Variants in OLFM2 observed in about 807,000 individuals in gnomAD.
The protein encoded by OLFM2 is olfactomedin 2, also known as noelin-2.
Under a neutral mutation model 43.9 loss-of-function variants are expected in OLFM2, and 20 were observed. The ratio of observed to expected loss-of-function variants is 0.46; its 90% confidence interval spans 0.32 to 0.66. The LOEUF is 0.66. Ranked by LOEUF, OLFM2 falls within the 30% of genes least tolerant of loss-of-function variation. The pLI, the probability that OLFM2 is intolerant of heterozygous loss-of-function variation, is 0.04. For missense variants in OLFM2, 416 were observed against 643.6 expected (o/e 0.65, Z 3.83); for synonymous variants, 268 against 278.6 (o/e 0.96, Z 0.38).
chr19:9,866,215 T>C (rs575293029), intron 1 of OLFM2, among the ~76,000 whole-genome samples: 2 of 152,294 alleles, frequency 1.3e-5, no homozygotes, highest in South Asian at 2.1e-4. Context: ...GTTTTGCCCA[T>C]TGGGTTTAAG....
intron 2 of OLFM2, chr19:9,858,189 C>A (rs2046338067): frequency 4.9e-6 from 2 of 410,970 alleles, no homozygotes; most frequent in Admixed American, 3.6e-5. Flanking sequence ...GATTAGATCA[C>A]CTTCCTCCTC....
In OLFM2 at chr19:9,854,418, C is replaced by T; in HGVS notation, c.1133G>A (p.Gly378Asp). 1 of 1,614,212 alleles carries T rather than the reference C, an allele frequency of 6.2e-7. No individual in the cohort carries two copies. Among genetic ancestry groups the T allele is most frequent in the Non-Finnish European group, 8.5e-7 (1 of 1,180,046 alleles). Residue 378 changes from glycine to aspartate, a missense_variant, in exon 6 of 6, where the codon GGT becomes GAT. Gly to Asp is a moderately conservative substitution (Grantham distance 94). Transcript: ENST00000264833. The surrounding 1 kb of genome is among the most constrained non-coding windows in gnomAD (Gnocchi z 9.5). ...GTGGGAGTTGGTCACGTAGAGCACA[C>T]CGCAGATCATGAAGGCCTCGCCAGC... ...RSAGEAFMIC[G>D]VLYVTNSHLA...
At position 9,867,396 on chromosome 19, in the gene OLFM2, A is replaced by C. The variant is rs147513279; in HGVS notation, c.64-6602T>G. On this transcript the variant is annotated intron_variant, in intron 1 of 5. Transcript: ENST00000264833. Reference sequence around the variant, plus strand: ...AAAAAAACAACAATAACAACAACAAAAAAAAACAATTCCTGGTGTTTCCCT... The same window carrying C: ...AAAAAAACAACAATAACAACAACAACAAAAAACAATTCCTGGTGTTTCCCT... Among the ~76,000 whole-genome samples the C allele has an allele frequency of 6.9e-3, 1,048 of 152,180 alleles. 10 individuals are homozygous for C. Among genetic ancestry groups the C allele is most frequent in the Non-Finnish European group, 7.7e-3 (525 of 67,998 alleles).
intron 1 of OLFM2, among the ~76,000 whole-genome samples, chr19:9,893,684 G>A (rs534089165): frequency 3.5e-4 from 54 of 152,184 alleles, no homozygotes; most frequent in Non-Finnish European, 7.4e-5. Flanking sequence ...AAAGTGTTTG[G>A]GGCCTCTTGG....
At chr19:9,899,545 T>G (rs2046712775) in intron 1 of OLFM2, among the ~76,000 whole-genome samples, 3 of 150,802 alleles carry the variant, frequency 2.0e-5, no homozygotes, top group Admixed American at 2.0e-4. Context: ...CCCATCTACT[T>G]GTTTTGTTCT....
intron 1 of OLFM2, among the ~76,000 whole-genome samples, chr19:9,882,799 C>A (rs900438396): frequency 6.6e-5 from 10 of 150,526 alleles, no homozygotes; most frequent in Non-Finnish European, 1.5e-4. Context: ...AGCCTCAGCA[C>A]CTCAGGAGGC....
At chr19:9,909,867 T>A (rs1320565567) in intron 1 of OLFM2, among the ~76,000 whole-genome samples, 1 of 152,176 alleles carries the variant, frequency 6.6e-6, no homozygotes, top group Non-Finnish European at 1.5e-5. Context: ...TACTAAACAC[T>A]ACTATGTGCC....
chr19:9,927,238 C>T (rs1181744859), intron 1 of OLFM2, among the ~76,000 whole-genome samples: 1 of 151,870 alleles, frequency 6.6e-6, no homozygotes, highest in East Asian at 1.9e-4. Flanking sequence ...GCTGAGATCG[C>T]ACCACTGCAC....
intron 1 of OLFM2, among the ~76,000 whole-genome samples, chr19:9,893,477 TCTTAACAC>T (rs988227362): frequency 1.5e-4 from 23 of 152,190 alleles, no homozygotes; most frequent in Admixed American, 1.3e-3. Context: ...TCATGGAGCA[TCTTAACAC>T]CTTGGGGATG....
At chr19:9,896,064 T>C (rs915983737) in intron 1 of OLFM2, among the ~76,000 whole-genome samples, 1 of 151,674 alleles carries the variant, frequency 6.6e-6, no homozygotes, top group Non-Finnish European at 1.5e-5. Flanking sequence ...GGTCTCCTCG[T>C]TCCCAGGCCT....
At chr19:9,889,880 G>A (rs2046622840) in intron 1 of OLFM2, among the ~76,000 whole-genome samples, 1 of 152,028 alleles carries the variant, frequency 6.6e-6, no homozygotes, top group African/African-American at 2.4e-5. Flanking sequence ...ACCAGCCACA[G>A]GCCTGTTATT....
chr19:9,858,389 G>A (rs902294593), intron 2 of OLFM2, among the ~76,000 whole-genome samples: 2 of 151,924 alleles, frequency 1.3e-5, no homozygotes, highest in Non-Finnish European at 2.9e-5. Context: ...CAGCTCCAGC[G>A]TCCCCCACTC....
At chr19:9,871,067 C>A (rs186395676) in intron 1 of OLFM2, among the ~76,000 whole-genome samples, 2 of 151,932 alleles carry the variant, frequency 1.3e-5, no homozygotes, top group Admixed American at 1.3e-4. Flanking sequence ...GTCAGGAGTT[C>A]GAGACCAGCC....
intron 5 of OLFM2, among the ~76,000 whole-genome samples, chr19:9,855,241 A>AT (rs1216061769): frequency 0.011 from 1,469 of 134,210 alleles, 9 homozygotes; most frequent in East Asian, 0.024. Flanking sequence ...TTTTTAAGTA[A>AT]TTTTTTTTTT....
At chr19:9,866,657 G>A (rs1013964717) in intron 1 of OLFM2, among the ~76,000 whole-genome samples, 2 of 151,894 alleles carry the variant, frequency 1.3e-5, no homozygotes, top group Non-Finnish European at 2.9e-5. Context: ...GCACCATCAC[G>A]ACTGGCTATT....
chr19:9,932,220 G>A (rs1447996595), intron 1 of OLFM2, among the ~76,000 whole-genome samples: 1 of 151,900 alleles, frequency 6.6e-6, no homozygotes, highest in Non-Finnish European at 1.5e-5. Flanking sequence ...AGCACTTTGG[G>A]CGGCAGATCA....
intron 1 of OLFM2, among the ~76,000 whole-genome samples, chr19:9,885,294 A>G (rs574765182): frequency 8.5e-5 from 13 of 152,286 alleles, no homozygotes; most frequent in African/African-American, 3.1e-4. Context: ...GAATCCGGAA[A>G]AAATCTCAGC....
intron 1 of OLFM2, among the ~76,000 whole-genome samples, chr19:9,895,655 A>T (rs745683807): frequency 1.7e-4 from 26 of 152,088 alleles, no homozygotes; most frequent in Non-Finnish European, 1.2e-4. Context: ...TTATATTTTT[A>T]GACCGAGTCT....
In OLFM2 at chr19:9,883,408, G is replaced by A. The variant is rs552318801; in HGVS notation, c.64-22614C>T. 6.8e-4 allele frequency among the ~76,000 whole-genome samples: 103 copies of A among 152,164 alleles called. 1 individual carries two copies. The highest frequency in any genetic ancestry group is 1.3e-3 in the Non-Finnish European group (86 of 68,012). On this transcript the variant is annotated intron_variant, in intron 1 of 5. Transcript: ENST00000264833. ...CAGCCTAGAGGCAGGCACGTCCTCT[G>A]CTTGGAGGGGAGGGGGTAGTGGCGG... is the stretch of plus-strand genomic sequence containing the variant.
Sources: allele counts gnomAD v4.1 joint callset (sites outside exome capture counted in the v4.1 genomes callset), GRCh38; gene constraint gnomAD v4.1.1; non-coding constraint Gnocchi (gnomAD v3.1); transcripts MANE v1.5; gene names NCBI Gene and HGNC (gene_info 2026-07-23, HGNC 2026-07-21).